KSR2: variants seen among roughly 807,000 people sequenced by gnomAD.
The protein encoded by KSR2 is kinase suppressor of ras 2.
In KSR2, 25 loss-of-function variants were observed where a neutral mutation model predicts 107.8. The ratio of observed to expected loss-of-function variants is 0.23; its 90% CI spans 0.17 to 0.32. The LOEUF (loss-of-function observed/expected upper bound fraction) is 0.32. KSR2 is among the 10% of genes least tolerant of loss of function. KSR2 has a pLI of 1.00. For missense variants in KSR2, 887 were observed against 1,268.9 expected (o/e 0.70, Z 4.57); for synonymous variants, 480 against 507.0 (o/e 0.95, Z 0.71).
At chr12:117,764,699 A>G (rs938580069) in intron 3 of KSR2, among the ~76,000 whole-genome samples, 1 of 152,202 alleles carries the variant, frequency 6.6e-6, no homozygotes, top group Admixed American at 6.5e-5. Flanking sequence ...CCAGTGAGTA[A>G]GAGAGTCAAC....
At chr12:117,557,756 C>T (rs764425000) in intron 8 of KSR2, among the ~76,000 whole-genome samples, 1 of 152,096 alleles carries the variant, frequency 6.6e-6, no homozygotes, top group East Asian at 1.9e-4. Context: ...TTGGGGAGCA[C>T]ATGTCCAGAA....
At chr12:117,846,980 T>C (rs1412898183) in intron 3 of KSR2, among the ~76,000 whole-genome samples, 1 of 152,328 alleles carries the variant, frequency 6.6e-6, no homozygotes, top group African/African-American at 2.4e-5. Flanking sequence ...ATGGAGCCAT[T>C]TGCGCCTAAG....
At chr12:117,506,244 A>G (rs936854721) in intron 14 of KSR2, among the ~76,000 whole-genome samples, 2 of 152,188 alleles carry the variant, frequency 1.3e-5, no homozygotes, top group Non-Finnish European at 2.9e-5. Context: ...CAAAATTAGG[A>G]GCTAAATATC....
At chr12:117,818,059 C>A in intron 3 of KSR2, among the ~76,000 whole-genome samples, 1 of 151,960 alleles carries the variant, frequency 6.6e-6, no homozygotes, top group Admixed American at 6.6e-5. Context: ...CAAGATCACA[C>A]CACTCCACTC....
intron 3 of KSR2, among the ~76,000 whole-genome samples, chr12:117,831,613 A>G (rs1252665151): frequency 6.6e-6 from 1 of 152,248 alleles, no homozygotes; most frequent in Non-Finnish European, 1.5e-5. Flanking sequence ...TTATTACCCA[A>G]TAATAATAAC....
chr12:117,833,765 C>A (rs1312657684), intron 3 of KSR2, among the ~76,000 whole-genome samples: 13 of 152,070 alleles, frequency 8.5e-5, no homozygotes, highest in Admixed American at 8.5e-4. Context: ...ATGAAGAAAT[C>A]TACAAGCTCT....
At chr12:117,878,429 T>C (rs889089524) in intron 1 of KSR2, among the ~76,000 whole-genome samples, 1 of 152,252 alleles carries the variant, frequency 6.6e-6, no homozygotes, top group Non-Finnish European at 1.5e-5. Context: ...GCACCCACAT[T>C]TTGAACAATG....
At chr12:117,784,631 G>GT (rs1172348443) in intron 3 of KSR2, among the ~76,000 whole-genome samples, 2 of 151,960 alleles carry the variant, frequency 1.3e-5, no homozygotes, top group African/African-American at 2.4e-5. Context: ...GCACCCATGG[G>GT]TTTTTTTCTC....
intron 4 of KSR2, among the ~76,000 whole-genome samples, chr12:117,694,253 G>T (rs1219206252): frequency 6.6e-6 from 1 of 152,176 alleles, no homozygotes; most frequent in Non-Finnish European, 1.5e-5. Context: ...AGGGCCAGGT[G>T]GAGATAACTG....
chr12:117,819,276 C>T (rs1300247024), intron 3 of KSR2, among the ~76,000 whole-genome samples: 1 of 152,052 alleles, frequency 6.6e-6, no homozygotes, highest in African/African-American at 2.4e-5. Context: ...CAGGTGTACA[C>T]CAGCTAGGTA....
Position 117,567,788 on chromosome 12 carries a change from A to G in KSR2, c.1326-9215T>C, listed in dbSNP as rs143244068. Among the ~76,000 whole-genome samples, 355 of 142,812 alleles carry G rather than the reference A, an allele frequency of 2.5e-3. 9 individuals are homozygous for G. Among genetic ancestry groups the G allele is most frequent in the African/African-American group, 9.7e-3 (336 of 34,726 alleles). 93.7% of individuals were successfully genotyped at this position (142,812 alleles called of 152,430 possible). On this transcript the variant is annotated intron_variant, in intron 7 of 19. Coordinates refer to ENST00000339824, the MANE Select transcript of KSR2 (RefSeq NM_173598.6). ...CCCCTGTGGTCTCTTGTTTGAGCCA[A>G]TGCTTCTAGAAATGACTCCGTACGC...
intron 3 of KSR2, among the ~76,000 whole-genome samples, chr12:117,782,490 C>T (rs569325217): frequency 6.6e-6 from 1 of 152,292 alleles, no homozygotes; most frequent in Admixed American, 6.5e-5. Flanking sequence ...GTCTCAAACT[C>T]CTGGACTCAA....
At chr12:117,759,829 C>A (rs893864107) in intron 4 of KSR2, among the ~76,000 whole-genome samples, 1 of 152,196 alleles carries the variant, frequency 6.6e-6, no homozygotes, top group Non-Finnish European at 1.5e-5. Context: ...CCTCCCAGGT[C>A]GGGCATGATG....
chr12:117,685,896 C>T (rs511842), intron 4 of KSR2, among the ~76,000 whole-genome samples: 92,614 of 152,118 alleles, frequency 0.61, 30,556 homozygotes, highest in Middle Eastern at 0.78. Context: ...CTGATTCCCC[C>T]CCTGTAAAAA....
At position 117,459,555 on chromosome 12, in the gene KSR2, G is replaced by T. The variant is rs1870790606; in HGVS notation, c.*7644C>A. ...CTTGGACCAGATCTTTATCCTTCTA[G>T]ATCTTAGAGGTCCTTCTAGATCACC... On this transcript the variant is annotated 3_prime_UTR_variant, in exon 20 of 20. Coordinates refer to ENST00000339824, the MANE Select transcript of KSR2 (RefSeq NM_173598.6). 1 of 152,226 alleles carries T rather than the reference G, an allele frequency of 6.6e-6. No individual in the cohort carries two copies. Among genetic ancestry groups the T allele is most frequent in the Non-Finnish European group, 1.5e-5 (1 of 68,050 alleles). The allele number at this position is 152,226 out of a possible 1,614,324, so 9.4% of individuals were successfully genotyped here.
chr12:117,835,343 A>G (rs1009869153), intron 3 of KSR2, among the ~76,000 whole-genome samples: 3 of 152,144 alleles, frequency 2.0e-5, no homozygotes, highest in Non-Finnish European at 2.9e-5. Flanking sequence ...GGAGGGTGGT[A>G]TATCACGGTT....
At chr12:117,957,870 T>C (rs1032597430) in intron 1 of KSR2, among the ~76,000 whole-genome samples, 3 of 149,032 alleles carry the variant, frequency 2.0e-5, no homozygotes, top group African/African-American at 5.0e-5. Flanking sequence ...CTCACTCTGT[T>C]GCCCAGGCTG....
intron 4 of KSR2, among the ~76,000 whole-genome samples, chr12:117,706,626 G>A (rs1886540342): frequency 6.6e-6 from 1 of 152,092 alleles, no homozygotes; most frequent in African/African-American, 2.4e-5. Flanking sequence ...ACAGACATGA[G>A]AGATCTTTTC....
At chr12:117,821,045 G>T (rs1178977491) in intron 3 of KSR2, among the ~76,000 whole-genome samples, 3 of 152,176 alleles carry the variant, frequency 2.0e-5, no homozygotes, top group Non-Finnish European at 4.4e-5. Flanking sequence ...CTGGGCAAAT[G>T]ACAGCCTATC....
Sources: allele counts gnomAD v4.1 joint callset (sites outside exome capture counted in the v4.1 genomes callset), GRCh38; gene constraint gnomAD v4.1.1; transcripts MANE v1.5; gene names NCBI Gene and HGNC (gene_info 2026-07-23, HGNC 2026-07-21).